CPNE4: variants seen among roughly 807,000 people sequenced by gnomAD.
The protein encoded by CPNE4 is copine-4.
Under a neutral mutation model 67.9 loss-of-function variants are expected in CPNE4, and 25 were observed. That is an observed-to-expected ratio of 0.37 (90% CI 0.27 to 0.51). The LOEUF (loss-of-function observed/expected upper bound fraction) is 0.51. CPNE4 is among the 20% of genes least tolerant of loss of function. The pLI, the probability that CPNE4 is intolerant of heterozygous loss-of-function variation, is 0.93. For missense variants in CPNE4, 464 were observed against 690.8 expected (o/e 0.67, Z 3.68); for synonymous variants, 242 against 244.9 (o/e 0.99, Z 0.11).
intron 1 of CPNE4, among the ~76,000 whole-genome samples, chr3:131,951,313 T>A (rs1336974356): frequency 2.0e-5 from 3 of 151,940 alleles, no homozygotes; most frequent in Non-Finnish European, 4.4e-5. Context: ...TGACATAGGG[T>A]TCACTATTGA....
intron 8 of CPNE4, 115 bp downstream of exon 8, chr3:131,587,369 C>A: frequency 1.4e-6 from 1 of 710,154 alleles, no homozygotes; most frequent in South Asian, 1.7e-5. Context: ...ATGCTCCCTT[C>A]TTATCACACT....
At chr3:131,851,458 A>G (rs190455726) in intron 2 of CPNE4, among the ~76,000 whole-genome samples, 22 of 152,192 alleles carry the variant, frequency 1.4e-4, no homozygotes, top group Non-Finnish European at 2.9e-4. Flanking sequence ...AGATAGGACC[A>G]TTACCCTCCA....
Position 131,632,045 on chromosome 3 carries a change from A to G in CPNE4, c.681+37630T>C, listed in dbSNP as rs536310065. On this transcript the variant is annotated intron_variant, in intron 7 of 15. Coordinates refer to ENST00000429747, the MANE Select transcript of CPNE4 (RefSeq NM_130808.3). ...CTTGAGCCCAAGAGGCAGAGGTTTC[A>G]GTGAGCCAAGATTGCACCACTGCGC... Among the ~76,000 whole-genome samples the G allele has an allele frequency of 6.6e-5, 10 of 151,088 alleles. No individual in the cohort carries two copies. The South Asian group carries it at 2.1e-3, about 32-fold the overall frequency.
intron 14 of CPNE4, 64 bp from the exon 15 acceptor site, chr3:131,542,857 A>C: frequency 8.5e-7 from 1 of 1,170,360 alleles, no homozygotes; most frequent in Non-Finnish European, 1.3e-6. Context: ...AGGACAATAC[A>C]ATACCAGTTA....
chr3:131,565,987 T>G (rs952789485), intron 10 of CPNE4, among the ~76,000 whole-genome samples: 9 of 151,984 alleles, frequency 5.9e-5, no homozygotes. Flanking sequence ...TTTATATGCA[T>G]GATATTACTC....
intron 2 of CPNE4, among the ~76,000 whole-genome samples, chr3:131,798,268 G>A (rs900387116): frequency 3.3e-5 from 5 of 151,996 alleles, no homozygotes; most frequent in Middle Eastern, 3.2e-3. Flanking sequence ...AACCTGTGCC[G>A]TAATTATGAA....
chr3:131,836,918 A>G (rs909655372), intron 2 of CPNE4, among the ~76,000 whole-genome samples: 4 of 152,176 alleles, frequency 2.6e-5, no homozygotes, highest in Non-Finnish European at 4.4e-5. Context: ...CGGGTAAAAT[A>G]CTTAAAAATA....
chr3:131,654,245 T>A (rs2079890811), intron 7 of CPNE4, among the ~76,000 whole-genome samples: 1 of 152,168 alleles, frequency 6.6e-6, no homozygotes, highest in South Asian at 2.1e-4. Flanking sequence ...CTTCCTCATC[T>A]ATTGTTTTTT....
chr3:132,016,187 C>G (rs2073886304), intron 1 of CPNE4, among the ~76,000 whole-genome samples: 1 of 152,200 alleles, frequency 6.6e-6, no homozygotes, highest in South Asian at 2.1e-4. Flanking sequence ...CTGGATTGAA[C>G]TCAATCATAC....
intron 1 of CPNE4, among the ~76,000 whole-genome samples, chr3:132,010,220 C>T (rs929653939): frequency 6.6e-6 from 1 of 152,168 alleles, no homozygotes; most frequent in African/African-American, 2.4e-5. Context: ...CAGACAGAAC[C>T]AGCTACACCT....
chr3:131,866,453 A>G, intron 2 of CPNE4, among the ~76,000 whole-genome samples: 1 of 152,208 alleles, frequency 6.6e-6, no homozygotes, highest in Admixed American at 6.5e-5. Flanking sequence ...GCAAGAAGAA[A>G]AGGCTGACAT....
At chr3:132,036,604 G>A (rs1053144198), upstream of CPNE4, among the ~76,000 whole-genome samples, 1 of 152,146 alleles carries the variant, frequency 6.6e-6, no homozygotes, top group African/African-American at 2.4e-5. Flanking sequence ...AATTTGAATT[G>A]GATTGAACTT....
In CPNE4 at chr3:131,925,937, G is replaced by A. The variant is rs138711251; in HGVS notation, c.-1-20493C>T. 1.6e-3 allele frequency among the ~76,000 whole-genome samples: 238 copies of A among 152,286 alleles called. 2 individuals carry two copies. The highest frequency in any genetic ancestry group is 3.0e-3 in the Non-Finnish European group (207 of 68,018). On this transcript the variant is annotated intron_variant, in intron 1 of 15. Transcript: ENST00000429747. ...ACATATTTTCCACCTTCCTGGACAGGAGAGTGAGAAAGTCAGAAACACAAT... is the reference window on the plus strand; with the variant it reads ...ACATATTTTCCACCTTCCTGGACAGAAGAGTGAGAAAGTCAGAAACACAAT...
intron 1 of CPNE4, among the ~76,000 whole-genome samples, chr3:131,950,747 A>G (rs918697542): frequency 6.6e-6 from 1 of 152,206 alleles, no homozygotes; most frequent in Non-Finnish European, 1.5e-5. Context: ...ATGTTAGCAA[A>G]TTGTTATTCA....
chr3:131,695,538 C>A (rs1566695), intron 5 of CPNE4, among the ~76,000 whole-genome samples: 95,958 of 152,092 alleles, frequency 0.63, 30,760 homozygotes, highest in Middle Eastern at 0.7. Flanking sequence ...AAACTGCTAT[C>A]CACTGACCCA....
Position 131,785,087 on chromosome 3 carries a change from T to C in CPNE4, c.181-61462A>G, listed in dbSNP as rs536926405. 3.3e-5 allele frequency among the ~76,000 whole-genome samples: 5 copies of C among 152,252 alleles called. No individual in the cohort carries two copies. The South Asian group carries it at 1.0e-3, about 32-fold the overall frequency. On this transcript the variant is annotated intron_variant, in intron 2 of 15. Transcript: ENST00000429747. Reference sequence around the variant, plus strand: ...ATTAAGACCTAACTCAGAGGCTTGGTGTGAGGACATAGCAGACATAAAGGA... The same window carrying C: ...ATTAAGACCTAACTCAGAGGCTTGGCGTGAGGACATAGCAGACATAAAGGA...
chr3:131,599,720 A>C (rs1939096617), intron 7 of CPNE4, among the ~76,000 whole-genome samples: 1 of 152,016 alleles, frequency 6.6e-6, no homozygotes, highest in Admixed American at 6.5e-5. Context: ...CTTCTGATGG[A>C]CTCAACCTAA....
chr3:131,733,024 C>T (rs2082162044), intron 2 of CPNE4, among the ~76,000 whole-genome samples: 2 of 152,210 alleles, frequency 1.3e-5, no homozygotes, highest in South Asian at 2.1e-4. Context: ...AACCACTTTA[C>T]ATACCTTATT....
intron 2 of CPNE4, among the ~76,000 whole-genome samples, chr3:131,882,624 T>C (rs1475069234): frequency 6.7e-6 from 1 of 149,762 alleles, no homozygotes; most frequent in Non-Finnish European, 1.5e-5. Flanking sequence ...TGTTAGACAC[T>C]ATTGTGCATT....
Sources: gnomAD v4.1 joint callset for allele counts (sites outside exome capture counted in the v4.1 genomes callset) on GRCh38, gnomAD v4.1.1 for gene constraint, MANE v1.5 for transcripts, NCBI Gene and HGNC (gene_info 2026-07-23, HGNC 2026-07-21) for gene names.